SRRT: variants seen among roughly 807,000 people sequenced by gnomAD.
The protein encoded by SRRT is serrate, RNA effector molecule.
In SRRT, 32 loss-of-function variants were observed where a neutral mutation model predicts 103.2. The ratio of observed to expected loss-of-function variants is 0.31; its 90% CI spans 0.23 to 0.42. The LOEUF (loss-of-function observed/expected upper bound fraction) is 0.42, where lower values mean the gene tolerates loss of function less well. SRRT is among the 10% of genes least tolerant of loss of function. The probability of loss-of-function intolerance (pLI) is 1.00; values close to 1 mark genes in which losing one functional copy is unlikely to be tolerated. For missense variants in SRRT, 986 were observed against 1,207.5 expected (o/e 0.82, Z 2.72); for synonymous variants, 525 against 449.0 (o/e 1.17, Z -2.14).
Position 100,885,530 on chromosome 7 carries a change from A to G in SRRT, c.1317+160A>G, listed in dbSNP as rs761221025. ...TCCGAGGACTAGTCCTGATAGCGCC[A>G]TTGGCTTTCAGGTGCTGGTGTTCTG... On this transcript the variant is annotated intron_variant, in intron 10 of 19. Transcript: ENST00000611405. The surrounding 1 kb of genome is among the most constrained non-coding windows in gnomAD (Gnocchi z 4.8). 23 of 1,073,392 alleles carry G rather than the reference A, an allele frequency of 2.1e-5. No homozygotes were observed. The highest frequency in any genetic ancestry group is 3.0e-5 in the Non-Finnish European group (22 of 741,942). 66.5% of individuals were successfully genotyped at this position (1,073,392 alleles called of 1,614,324 possible). A position where few individuals can be genotyped will look rare whatever the true frequency, so the allele number is the denominator to read the frequency against.
At chr7:100,888,181 T>C (rs1790360175) in intron 18 of SRRT, 38 bp downstream of exon 18, 4 of 1,600,506 alleles carry the variant, frequency 2.5e-6, no homozygotes, top group Non-Finnish European at 2.6e-6. Context: ...TTGGTGAGTG[T>C]GTGGCTTTGG....
chr7:100,882,309 G>T lies in SRRT; in HGVS notation c.587+68G>T. The stretch of plus-strand genomic sequence containing the variant: ...CCCTGGCCCCGCTGGTGGAGCCACA[G>T]CCCTGTCCTCTTCCCAGTTTTCCCT... On this transcript the variant is annotated intron_variant, in intron 5 of 19. Coordinates refer to ENST00000611405, the MANE Select transcript of SRRT (RefSeq NM_015908.6). The surrounding 1 kb of genome is among the most constrained non-coding windows in gnomAD (Gnocchi z 4.2). 1 of 1,535,608 alleles carries T rather than the reference G, an allele frequency of 6.5e-7. No homozygotes were observed. Among genetic ancestry groups the T allele is most frequent in the Non-Finnish European group, 8.9e-7 (1 of 1,129,896 alleles).
At chr7:100,886,761 T>G (rs1002891389) in intron 13 of SRRT, 34 bp from the exon 14 acceptor site, 10 of 1,612,218 alleles carry the variant, frequency 6.2e-6, no homozygotes, top group Non-Finnish European at 8.5e-6. Flanking sequence ...CTGAAGGTCT[T>G]CTCTGCCTTA....
Position 100,886,980 on chromosome 7 carries a change from A to C in SRRT, c.1821+12A>C, listed in dbSNP as rs779908312. 1.9e-6 allele frequency: 3 copies of C among 1,609,496 alleles called. No individual in the cohort carries two copies. In the Admixed American group the frequency reaches 5.0e-5, roughly 27 times the overall value. ...AGAAGTTGATTAAGGTGCCAGTGGC[A>C]GCGCGGGGCACGTGGGGGCTCGGGC... On this transcript the variant is annotated intron_variant, in intron 14 of 19. Coordinates refer to ENST00000611405, the MANE Select transcript of SRRT (RefSeq NM_015908.6).
intron 13 of SRRT, 69 bp downstream of exon 13, chr7:100,886,504 T>G: frequency 6.8e-7 from 1 of 1,470,256 alleles, no homozygotes; most frequent in Non-Finnish European, 9.2e-7. Context: ...ACCTCTGACC[T>G]TACCTATCTG....
intron 7 of SRRT, 63 bp from the exon 8 acceptor site, chr7:100,884,677 G>A: frequency 6.4e-7 from 1 of 1,568,842 alleles, no homozygotes; most frequent in Non-Finnish European, 8.8e-7. Flanking sequence ...TGTGGGGGTG[G>A]GGGCCCTCTG....
Position 100,882,601 on chromosome 7 carries a change from C to G in SRRT, c.587+360C>G, listed in dbSNP as rs1039109719. The G allele has an allele frequency of 5.3e-6, 1 of 187,200 alleles. No homozygotes were observed. The highest frequency in any genetic ancestry group is 2.3e-5 in the African/African-American group (1 of 42,742). 11.6% of individuals were successfully genotyped at this position (187,200 alleles called of 1,614,324 possible). A position where few individuals can be genotyped will look rare whatever the true frequency, so the allele number is the denominator to read the frequency against. ...TGGCTGTGGCGTCCTCCTAAAGCGA[C>G]GAGTGAATCCAGACAAGAAAAGCAA... is the stretch of plus-strand genomic sequence containing the variant. On this transcript the variant is annotated intron_variant, in intron 5 of 19. Coordinates refer to ENST00000611405, the MANE Select transcript of SRRT (RefSeq NM_015908.6). This position sits in a 1 kb window ranked among gnomAD's most constrained non-coding sequence, Gnocchi z 4.2.
Position 100,886,910 on chromosome 7 carries a change from C to T in SRRT, c.1763C>T (p.Pro588Leu). ...GSSGGAPPEE[P>L]PKEGNPAEIN... ...AGCGGGGGCGCTCCTCCTGAGGAGCCTCCTAAGGAAGGGAACCCGGCAGAG... is the reference window on the plus strand; with the variant it reads ...AGCGGGGGCGCTCCTCCTGAGGAGCTTCCTAAGGAAGGGAACCCGGCAGAG... The change falls in exon 14 of 20, where the codon CCT becomes CTT. Residue 588 changes from proline (P) to leucine (L), a missense_variant. Physicochemically the swap from Pro to Leu is moderately conservative, Grantham distance 98. Around this residue, in one of 6 missense-constraint regions of SRRT, gnomAD observed 349 missense variants for 446.9 expected, o/e 0.78. Transcript: ENST00000611405. 1 of 1,613,540 alleles carries T rather than the reference C, an allele frequency of 6.2e-7. No homozygotes were observed. The highest frequency in any genetic ancestry group is 8.5e-7 in the Non-Finnish European group (1 of 1,179,838).
Position 100,888,613 on chromosome 7 carries a change from G to C in SRRT, c.*64G>C. Reference sequence around the variant, plus strand: ...GTACTACCTTGTCCTATGAAGCTCTGAGAATTTTTTGTACGATCAGCCTTA... The same window carrying C: ...GTACTACCTTGTCCTATGAAGCTCTCAGAATTTTTTGTACGATCAGCCTTA... On this transcript the variant is annotated 3_prime_UTR_variant, in exon 20 of 20. Transcript: ENST00000611405. The C allele has an allele frequency of 1.2e-6, 2 of 1,605,524 alleles. No individual in the cohort carries two copies. Among genetic ancestry groups the C allele is most frequent in the Non-Finnish European group, 1.7e-6 (2 of 1,172,424 alleles).
chr7:100,886,885 A>T lies in SRRT; in HGVS notation c.1738A>T (p.Ser580Cys). The part of the protein sequence containing the change: ...SAEEEELLGS[S>C]GGAPPEEPPK... ...CGAGGAGGAGGAGCTGCTGGGGAGC[A>T]GCGGGGGCGCTCCTCCTGAGGAGCC... Residue 580 changes from serine to cysteine, a missense_variant, in exon 14 of 20, where the codon AGC becomes TGC. By Grantham distance (112) the Ser-to-Cys change is moderately radical. Transcript: ENST00000611405. 6.2e-7 allele frequency: 1 copy of T among 1,614,174 alleles called. No individual in the cohort carries two copies. The highest frequency in any genetic ancestry group is 8.5e-7 in the Non-Finnish European group (1 of 1,180,022).
chr7:100,885,150 T>TCCTCCCCACCAC lies in SRRT; in HGVS notation c.1160-62_1160-51dup, dbSNP rs1183771675. Reference sequence around the variant, plus strand: ...TGGCTTTTAGGGGAAAGCTTCTGTATCCTCCCCACCACAATCAGTAATAAA... The same window carrying TCCTCCCCACCAC: ...TGGCTTTTAGGGGAAAGCTTCTGTATCCTCCCCACCACCCTCCCCACCACAATCAGTAATAAA... On this transcript the variant is annotated intron_variant, in intron 9 of 19. Coordinates refer to ENST00000611405, the MANE Select transcript of SRRT (RefSeq NM_015908.6). The surrounding 1 kb of genome is among the most constrained non-coding windows in gnomAD (Gnocchi z 4.8). 1 of 1,603,176 alleles carries TCCTCCCCACCAC rather than the reference T, an allele frequency of 6.2e-7. No homozygotes were observed. Among genetic ancestry groups the TCCTCCCCACCAC allele is most frequent in the African/African-American group, 1.3e-5 (1 of 74,308 alleles).
Position 100,882,373 on chromosome 7 carries a change from C to T in SRRT, c.587+132C>T. ...TGGGGGCGGGGGTCGGGAAGTATGA[C>T]AGCATTGGCTGATGGGGTCTCCCCC... On this transcript the variant is annotated intron_variant, in intron 5 of 19. Transcript: ENST00000611405. The surrounding 1 kb of genome is among the most constrained non-coding windows in gnomAD (Gnocchi z 4.2). 2 of 1,004,718 alleles carry T rather than the reference C, an allele frequency of 2.0e-6. No homozygotes were observed. The highest frequency in any genetic ancestry group is 2.9e-6 in the Non-Finnish European group (2 of 694,974). 62.2% of individuals were successfully genotyped at this position (1,004,718 alleles called of 1,614,324 possible).
intron 4 of SRRT, 87 bp downstream of exon 4, chr7:100,881,892 G>T (rs1473699158): frequency 1.4e-5 from 21 of 1,510,950 alleles, no homozygotes; most frequent in Non-Finnish European, 1.7e-5. Flanking sequence ...CAGGGAGCGG[G>T]TCAGGCACAC....
In SRRT at chr7:100,887,539, G is replaced by C. The variant is rs1262841003; in HGVS notation, c.2169+26G>C. 8 of 1,609,800 alleles carry C rather than the reference G, an allele frequency of 5.0e-6. No individual in the cohort carries two copies. Among genetic ancestry groups the C allele is most frequent in the Non-Finnish European group, 5.9e-6 (7 of 1,177,176 alleles). On this transcript the variant is annotated intron_variant, in intron 16 of 19. Transcript: ENST00000611405. This position sits in a 1 kb window ranked among gnomAD's most constrained non-coding sequence, Gnocchi z 4.1. Reference sequence around the variant, plus strand: ...GTGTGGGATGTTGGAGAATGGCCGTGCTACGGTGGTGGGAGGTGGGGTTGA... The same window carrying C: ...GTGTGGGATGTTGGAGAATGGCCGTCCTACGGTGGTGGGAGGTGGGGTTGA...
At chr7:100,876,581 G>C (rs2115699060) in intron 2 of SRRT, among the ~76,000 whole-genome samples, 1 of 152,286 alleles carries the variant, frequency 6.6e-6, no homozygotes, top group East Asian at 1.9e-4. Flanking sequence ...TTATTTCCCT[G>C]ACAATATATG....
At chr7:100,886,552 A>G in intron 13 of SRRT, 117 bp downstream of exon 13, 2 of 1,156,172 alleles carry the variant, frequency 1.7e-6, no homozygotes, top group South Asian at 3.0e-5. Context: ...CTGCTCACTC[A>G]TTTGCCCCTT....
rs2115806245 is a variant in SRRT at position 100,882,614 on chromosome 7, A to T, written c.587+373A>T. ...CTCCTAAAGCGACGAGTGAATCCAG[A>T]CAAGAAAAGCAAAGATCTCGGTCGT... On this transcript the variant is annotated intron_variant, in intron 5 of 19. Transcript: ENST00000611405. This position sits in a 1 kb window ranked among gnomAD's most constrained non-coding sequence, Gnocchi z 4.2. 5.6e-6 allele frequency: 1 copy of T among 178,820 alleles called. No homozygotes were observed. The highest frequency in any genetic ancestry group is 1.4e-4 in the East Asian group (1 of 6,932). 11.1% of individuals were successfully genotyped at this position (178,820 alleles called of 1,614,324 possible). A position where few individuals can be genotyped will look rare whatever the true frequency, so the allele number is the denominator to read the frequency against.
rs773520444 is a variant in SRRT, at chr7:100,885,204, C to T, written c.1160-9C>T. 4 of 1,611,968 alleles carry T rather than the reference C, an allele frequency of 2.5e-6. No individual in the cohort carries two copies. Among genetic ancestry groups the T allele is most frequent in the South Asian group, 1.1e-5 (1 of 90,984 alleles). Reference sequence around the variant, plus strand: ...GCACCAACTCCTTCCTACCCCCCTTCCTGCCTAGAAGAAGCGCTCAAGGAG... The same window carrying T: ...GCACCAACTCCTTCCTACCCCCCTTTCTGCCTAGAAGAAGCGCTCAAGGAG... On this transcript the variant is annotated splice_polypyrimidine_tract_variant and intron_variant, in intron 9 of 19. Coordinates refer to ENST00000611405, the MANE Select transcript of SRRT (RefSeq NM_015908.6). The surrounding 1 kb of genome is among the most constrained non-coding windows in gnomAD (Gnocchi z 4.8).
chr7:100,877,467 G>A (rs1356649080), intron 2 of SRRT, among the ~76,000 whole-genome samples: 1 of 146,570 alleles, frequency 6.8e-6, no homozygotes, highest in Non-Finnish European at 1.5e-5. Context: ...GATTCTTGAT[G>A]AAAGAGTAAA....
Sources: gnomAD v4.1 joint callset for allele counts (sites outside exome capture counted in the v4.1 genomes callset) on GRCh38, gnomAD v4.1.1 for gene constraint, gnomAD v4.1.1 regional missense constraint, Gnocchi (gnomAD v3.1) non-coding constraint, MANE v1.5 for transcripts, NCBI Gene and HGNC (gene_info 2026-07-23, HGNC 2026-07-21) for gene names.